RERE: variants seen among roughly 807,000 people sequenced by gnomAD.
The protein encoded by RERE is arginine-glutamic acid dipeptide repeats.
In RERE, 40 loss-of-function variants were observed where a neutral mutation model predicts 146.1. The observed-to-expected ratio is 0.27, with a 90% CI of 0.21 to 0.36. The LOEUF is 0.36. RERE is among the 10% of genes least tolerant of loss of function. The probability of loss-of-function intolerance (pLI) is 1.00; values close to 1 mark genes in which losing one functional copy is unlikely to be tolerated. For synonymous variants in RERE, 1,003 were observed against 866.0 expected (o/e 1.16, Z -2.78); for missense variants, 1,933 against 2,138.7 (o/e 0.90, Z 1.90).
chr1:8,471,534 G>C lies in RERE; in HGVS notation c.1105-5511C>G, dbSNP rs899254149. 8.2e-5 allele frequency among the ~76,000 whole-genome samples: 6 copies of C among 73,596 alleles called. No individual in the cohort carries two copies. The East Asian group carries it at 2.1e-3, about 26-fold the overall frequency. 48.3% of individuals were successfully genotyped at this position (73,596 alleles called of 152,430 possible). Reference sequence around the variant, plus strand: ...CGGGGTTGCTTTTTTTTTTTTTTTTGAGAAAGAGTTTCACTCTGTTGCCTG... The same window carrying C: ...CGGGGTTGCTTTTTTTTTTTTTTTTCAGAAAGAGTTTCACTCTGTTGCCTG... On this transcript the variant is annotated intron_variant, in intron 10 of 22. Transcript: ENST00000400908.
chr1:8,575,383 CT>C (rs57789307), intron 4 of RERE, among the ~76,000 whole-genome samples: 8,749 of 135,412 alleles, frequency 0.065, 887 homozygotes, highest in African/African-American at 0.21. Context: ...AAAAAGTAAC[CT>C]TTTTTTTTTT....
At chr1:8,674,662 AAAGTC>A (rs1278302500) in intron 1 of RERE, among the ~76,000 whole-genome samples, 2 of 152,260 alleles carry the variant, frequency 1.3e-5, no homozygotes, top group Admixed American at 6.5e-5. Context: ...CCAACTGTTT[AAAGTC>A]AAGTGCCCCA....
chr1:8,529,297 T>TC (rs1232136769), intron 7 of RERE, among the ~76,000 whole-genome samples: 1 of 143,368 alleles, frequency 7.0e-6, no homozygotes, highest in Non-Finnish European at 1.5e-5. Flanking sequence ...CTTTTTTTTT[T>TC]TTTTTTTTTT....
At chr1:8,649,921 A>G (rs555344079) in intron 2 of RERE, among the ~76,000 whole-genome samples, 1 of 152,144 alleles carries the variant, frequency 6.6e-6, no homozygotes. Context: ...AAAAAAGGCT[A>G]TAACAGTATT....
At chr1:8,487,800 A>T (rs1307893092) in intron 10 of RERE, among the ~76,000 whole-genome samples, 2 of 152,204 alleles carry the variant, frequency 1.3e-5, no homozygotes, top group Admixed American at 6.5e-5. Flanking sequence ...AAAAGCCAAC[A>T]TATAAAAACT....
chr1:8,752,434 T>C (rs1381476063), intron 1 of RERE, among the ~76,000 whole-genome samples: 1 of 152,172 alleles, frequency 6.6e-6, no homozygotes. Flanking sequence ...ATTATTCCTA[T>C]AATCCTTACA....
At chr1:8,406,723 T>C (rs1488491612) in intron 12 of RERE, among the ~76,000 whole-genome samples, 1 of 152,104 alleles carries the variant, frequency 6.6e-6, no homozygotes, top group Non-Finnish European at 1.5e-5. Flanking sequence ...TCTGTATGTG[T>C]TTTTGGGAGA....
intron 1 of RERE, among the ~76,000 whole-genome samples, chr1:8,756,381 T>C (rs1433782334): frequency 6.6e-6 from 1 of 152,188 alleles, no homozygotes; most frequent in Non-Finnish European, 1.5e-5. Flanking sequence ...TCAGTGAAGA[T>C]AATTATTAAT....
intron 19 of RERE, 56 bp from the exon 20 acceptor site, chr1:8,358,972 G>A: frequency 6.7e-7 from 1 of 1,485,450 alleles, no homozygotes; most frequent in Non-Finnish European, 8.9e-7. Flanking sequence ...GTCTCCGCTT[G>A]GTCCACACTG....
At chr1:8,776,195 T>C (rs1641060950) in intron 1 of RERE, among the ~76,000 whole-genome samples, 1 of 152,236 alleles carries the variant, frequency 6.6e-6, no homozygotes, top group Admixed American at 6.5e-5. Context: ...AACCATTTCT[T>C]ATATAAATTT....
intron 7 of RERE, among the ~76,000 whole-genome samples, chr1:8,539,140 G>A (rs1340905039): frequency 6.6e-6 from 1 of 152,184 alleles, no homozygotes; most frequent in Non-Finnish European, 1.5e-5. Flanking sequence ...ACTATCAAGT[G>A]ATTAAATAAG....
intron 1 of RERE, among the ~76,000 whole-genome samples, chr1:8,706,256 C>G (rs1236019209): frequency 6.6e-6 from 1 of 151,610 alleles, no homozygotes; most frequent in African/African-American, 2.4e-5. Flanking sequence ...GAGTTTGAGT[C>G]CAGCAACATA....
Position 8,355,413 on chromosome 1 carries a change from C to A in RERE, c.4667+6G>T, listed in dbSNP as rs1315558849. 2 of 1,612,128 alleles carry A rather than the reference C, an allele frequency of 1.2e-6. No individual in the cohort carries two copies. The highest frequency in any genetic ancestry group is 2.7e-5 in the African/African-American group (2 of 74,932). On this transcript the variant is annotated splice_donor_region_variant and intron_variant, in intron 22 of 22. Coordinates refer to ENST00000400908, the MANE Select transcript of RERE (RefSeq NM_001042681.2). ...CCCTCCACTCCCTCCCAGCACCCCACCTCACCTGTAATAATCTTCCTGACT... is the reference window on the plus strand; with the variant it reads ...CCCTCCACTCCCTCCCAGCACCCCAACTCACCTGTAATAATCTTCCTGACT...
chr1:8,658,614 G>A (rs61477762), intron 1 of RERE, among the ~76,000 whole-genome samples: 5,628 of 151,996 alleles, frequency 0.037, 332 homozygotes, highest in African/African-American at 0.13. Flanking sequence ...AAAATTAGCC[G>A]AGCGTGGTGG....
intron 12 of RERE, among the ~76,000 whole-genome samples, chr1:8,373,442 T>C (rs572450491): frequency 1.3e-5 from 2 of 152,308 alleles, no homozygotes; most frequent in South Asian, 2.1e-4. Context: ...TCTAAAACTT[T>C]TTTTTAAGGT....
rs189596896 is a variant in RERE at position 8,403,626 on chromosome 1, A to G, written c.1284+19101T>C. On this transcript the variant is annotated intron_variant, in intron 12 of 22. Coordinates refer to ENST00000400908, the MANE Select transcript of RERE (RefSeq NM_001042681.2). ...AGTGATCCTCTGGCCTTGGCCTCCC[A>G]AAGTGCTGGGATTACGAGCGTGAGC... Among the ~76,000 whole-genome samples, 243 of 151,958 alleles carry G rather than the reference A, an allele frequency of 1.6e-3. 1 individual carries two copies. Among genetic ancestry groups the G allele is most frequent in the Non-Finnish European group, 2.9e-3 (196 of 67,966 alleles).
chr1:8,550,528 T>TTTG (rs371325081), intron 6 of RERE, among the ~76,000 whole-genome samples: 159 of 152,126 alleles, frequency 1.0e-3, no homozygotes, highest in Middle Eastern at 3.4e-3. Context: ...AAGGGTGTTT[T>TTTG]TTGTTGTTGT....
intron 1 of RERE, among the ~76,000 whole-genome samples, chr1:8,726,770 C>G (rs1433702023): frequency 6.6e-6 from 1 of 152,146 alleles, no homozygotes; most frequent in African/African-American, 2.4e-5. Flanking sequence ...CTTCTAATTA[C>G]TCAAGCTTTC....
Position 8,360,387 on chromosome 1 carries a change from G to A in RERE, c.3120C>T (p.Val1040=), listed in dbSNP as rs887580233. 3.4e-6 allele frequency: 4 copies of A among 1,179,032 alleles called. No homozygotes were observed. The highest frequency in any genetic ancestry group is 4.3e-6 in the Non-Finnish European group (4 of 935,046). The allele number at this position is 1,179,032 out of a possible 1,614,324, so 73.0% of individuals were successfully genotyped here. ...PQPPFAQHPF[V]PGGPPPITPP... is the part of the protein sequence containing the mutation. The stretch of plus-strand genomic sequence containing the variant: ...GGGTGATGGGAGGAGGGCCTCCAGG[G>A]ACAAAGGGGTGCTGAGCAAACGGGG... The change falls in exon 18 of 23, where the codon GTC becomes GTT. Residue 1040 remains valine, a synonymous_variant. Transcript: ENST00000400908.
Sources: gnomAD v4.1 joint callset for allele counts (sites outside exome capture counted in the v4.1 genomes callset) on GRCh38, gnomAD v4.1.1 for gene constraint, MANE v1.5 for transcripts, NCBI Gene and HGNC (gene_info 2026-07-23, HGNC 2026-07-21) for gene names.